CADPS: variants seen among roughly 807,000 people sequenced by gnomAD.
CADPS encodes calcium-dependent secretion activator 1.
Under a neutral mutation model 167.3 loss-of-function variants are expected in CADPS, and 57 were observed. The observed-to-expected ratio is 0.34, with a 90% CI of 0.28 to 0.42. The LOEUF (loss-of-function observed/expected upper bound fraction) is 0.42, where lower values mean the gene tolerates loss of function less well. Among genes scored for constraint, CADPS ranks in the 20% least tolerant of loss-of-function variants. CADPS has a pLI of 1.00. For missense variants in CADPS, 1,414 were observed against 1,738.1 expected, an observed-to-expected ratio of 0.81 and a Z score of 3.32; for synonymous variants, 676 against 635.3, an observed-to-expected ratio of 1.06 and a Z score of -0.96.
intron 3 of CADPS, among the ~76,000 whole-genome samples, chr3:62,713,313 A>T (rs1214986671): frequency 1.3e-5 from 2 of 152,134 alleles, no homozygotes; most frequent in African/African-American, 4.8e-5. Context: ...TCGGTGAGGT[A>T]GGAGGTGGGG....
At chr3:62,608,696 C>A (rs2061052003) in intron 6 of CADPS, among the ~76,000 whole-genome samples, 2 of 152,054 alleles carry the variant, frequency 1.3e-5, no homozygotes, top group Non-Finnish European at 2.9e-5. Flanking sequence ...TTATACAGTT[C>A]CTTTTAAAAT....
At chr3:62,809,700 G>T (rs2094302423) in intron 1 of CADPS, among the ~76,000 whole-genome samples, 1 of 152,032 alleles carries the variant, frequency 6.6e-6, no homozygotes, top group Non-Finnish European at 1.5e-5. Context: ...AGAACGTCAG[G>T]TCCACAAGAG....
chr3:62,723,849 C>T (rs1402277386), intron 3 of CADPS, among the ~76,000 whole-genome samples: 1 of 152,214 alleles, frequency 6.6e-6, no homozygotes, highest in Non-Finnish European at 1.5e-5. Context: ...TGGAGAGGCA[C>T]TGAGGTAGCC....
intron 28 of CADPS, among the ~76,000 whole-genome samples, chr3:62,408,870 C>T (rs1047266571): frequency 6.6e-6 from 1 of 152,212 alleles, no homozygotes; most frequent in Non-Finnish European, 1.5e-5. Context: ...TTAACTTACA[C>T]AAACCCCTGT....
chr3:62,613,183 G>T (rs2061735800), intron 6 of CADPS, among the ~76,000 whole-genome samples: 1 of 152,168 alleles, frequency 6.6e-6, no homozygotes, highest in Non-Finnish European at 1.5e-5. Flanking sequence ...ATAACAGGGT[G>T]TGGAAGCACA....
chr3:62,839,528 G>A (rs920847728), intron 1 of CADPS, among the ~76,000 whole-genome samples: 4 of 152,178 alleles, frequency 2.6e-5, no homozygotes, highest in Non-Finnish European at 4.4e-5. Flanking sequence ...CAGAATATGG[G>A]ATCAGGAGTG....
chr3:62,737,858 T>C (rs1484912507), intron 3 of CADPS, among the ~76,000 whole-genome samples: 1 of 152,224 alleles, frequency 6.6e-6, no homozygotes, highest in Admixed American at 6.5e-5. Flanking sequence ...CAGAGACTTC[T>C]CTGTCTACAT....
In CADPS at chr3:62,478,493, G is replaced by A; in HGVS notation, c.3174-77C>T. 7.3e-7 allele frequency: 1 copy of A among 1,375,640 alleles called. No individual in the cohort carries two copies. Among genetic ancestry groups the A allele is most frequent in the Non-Finnish European group, 1.0e-6 (1 of 998,458 alleles). 85.2% of individuals were successfully genotyped at this position (1,375,640 alleles called of 1,614,324 possible). ...ACAAAAACTAACACAGAGACAACTG[G>A]GGGCTAGAAGGCAAACAGCAGCTTC... On this transcript the variant is annotated intron_variant, in intron 22 of 29. Transcript: ENST00000383710. This position sits in a 1 kb window ranked among gnomAD's most constrained non-coding sequence, Gnocchi z 5.7.
intron 13 of CADPS, among the ~76,000 whole-genome samples, chr3:62,521,196 C>G (rs932960500): frequency 2.6e-5 from 4 of 152,118 alleles, no homozygotes; most frequent in Non-Finnish European, 5.9e-5. Context: ...GTTCGAGGAC[C>G]ACACTCTAAG....
intron 1 of CADPS, among the ~76,000 whole-genome samples, chr3:62,818,887 T>G (rs1036004954): frequency 6.6e-6 from 1 of 152,206 alleles, no homozygotes; most frequent in Non-Finnish European, 1.5e-5. Flanking sequence ...ATAGTTGAAC[T>G]TCAGTAGTAT....
intron 3 of CADPS, among the ~76,000 whole-genome samples, chr3:62,675,118 A>G (rs1040422202): frequency 2.8e-4 from 42 of 152,248 alleles, no homozygotes; most frequent in African/African-American, 9.9e-4. Flanking sequence ...ATCCAAGCAC[A>G]TGGAAGCACC....
chr3:62,475,596 A>ACAAAC (rs1339897321), intron 23 of CADPS, among the ~76,000 whole-genome samples: 2 of 144,834 alleles, frequency 1.4e-5, no homozygotes, highest in African/African-American at 5.2e-5. Context: ...AAAAAAAAAA[A>ACAAAC]AAAAAAAAAA....
At chr3:62,648,696 A>AAAAAAAAAAAAAAAAC (rs1430948681) in intron 5 of CADPS, among the ~76,000 whole-genome samples, 2 of 150,022 alleles carry the variant, frequency 1.3e-5, no homozygotes, top group Non-Finnish European at 1.5e-5. Flanking sequence ...TGTGTCAAAA[A>AAAAAAAAAAAAAAAAC]AAAAAAAAAG....
Position 62,409,077 on chromosome 3 carries a change from A to T in CADPS, c.3778-5892T>A, listed in dbSNP as rs114798623. On this transcript the variant is annotated intron_variant, in intron 28 of 29. Transcript: ENST00000383710. ...TATACTACAAGCATTATATAGTTTA[A>T]TCATTGACTTGAACTCAAGATGTTG... Among the ~76,000 whole-genome samples, 457 of 152,334 alleles carry T rather than the reference A, an allele frequency of 3.0e-3. 1 individual carries two copies. The highest frequency in any genetic ancestry group is 0.011 in the African/African-American group (437 of 41,576).
intron 1 of CADPS, among the ~76,000 whole-genome samples, chr3:62,847,301 A>C (rs1186919195): frequency 7.7e-6 from 1 of 129,970 alleles, no homozygotes; most frequent in South Asian, 2.5e-4. Flanking sequence ...TTTATACTTT[A>C]AGTTTTAGGG....
intron 21 of CADPS, 90 bp downstream of exon 21, chr3:62,491,249 G>T (rs2063647540): frequency 7.6e-7 from 1 of 1,323,712 alleles, no homozygotes; most frequent in Non-Finnish European, 1.1e-6. Flanking sequence ...CAATAACAGT[G>T]AAACCCATAT....
chr3:62,867,570 T>C lies in CADPS; in HGVS notation c.441+7019A>G, dbSNP rs530057794. On this transcript the variant is annotated intron_variant, in intron 1 of 29. Coordinates refer to ENST00000383710, the MANE Select transcript of CADPS (RefSeq NM_003716.4). ...CCTGGACCCCCATCTGGTTTATAGG[T>C]AACACTCTAATGATAACTACCTGCC... 5.9e-5 allele frequency among the ~76,000 whole-genome samples: 9 copies of C among 152,120 alleles called. No individual in the cohort carries two copies. In the East Asian group the frequency reaches 1.5e-3, roughly 26 times the overall value.
At chr3:62,738,017 T>C (rs62244508) in intron 3 of CADPS, among the ~76,000 whole-genome samples, 3,432 of 152,306 alleles carry the variant, frequency 0.023, 68 homozygotes, top group Non-Finnish European at 0.033. Context: ...ATCTCATCTG[T>C]TACATTTGCT....
intron 17 of CADPS, among the ~76,000 whole-genome samples, chr3:62,510,771 A>G (rs1025468626): frequency 5.9e-5 from 9 of 152,096 alleles, no homozygotes; most frequent in Non-Finnish European, 7.4e-5. Flanking sequence ...ACCTCCATAC[A>G]GTTGGTTATG....
Sources: gnomAD v4.1 joint callset for allele counts (sites outside exome capture counted in the v4.1 genomes callset) on GRCh38, gnomAD v4.1.1 for gene constraint, Gnocchi (gnomAD v3.1) non-coding constraint, MANE v1.5 for transcripts, NCBI Gene and HGNC (gene_info 2026-07-23, HGNC 2026-07-21) for gene names.